Variants in GIGYF2 observed in about 807,000 individuals in gnomAD.
GIGYF2 encodes the protein GRB10-interacting GYF protein 2.
GIGYF2 carries 25 observed loss-of-function variants against 208.1 expected under a neutral mutation model. That is an observed-to-expected ratio of 0.12 (90% CI 0.09 to 0.17). GIGYF2 has a LOEUF of 0.17. Ranked by LOEUF, GIGYF2 falls within the 10% of genes least tolerant of loss-of-function variation. GIGYF2 has a pLI of 1.00. For synonymous variants in GIGYF2, 534 were observed against 543.8 expected (o/e 0.98, Z 0.25); for missense variants, 1,302 against 1,579.4 (o/e 0.82, Z 2.98).
intron 21 of GIGYF2, among the ~76,000 whole-genome samples, chr2:232,832,575 T>C (rs1574935311): frequency 6.6e-6 from 1 of 152,208 alleles, no homozygotes; most frequent in Non-Finnish European, 1.5e-5. Context: ...GAGACTTTCC[T>C]GTAGTTGATG....
At chr2:232,753,363 A>T (rs576456392) in intron 5 of GIGYF2, among the ~76,000 whole-genome samples, 6 of 152,198 alleles carry the variant, frequency 3.9e-5, no homozygotes, top group African/African-American at 1.4e-4. Context: ...ACCTCAAGTG[A>T]TCCGCCTGCC....
At chr2:232,786,234 C>G (rs1456430997) in intron 8 of GIGYF2, among the ~76,000 whole-genome samples, 1 of 151,980 alleles carries the variant, frequency 6.6e-6, no homozygotes, top group East Asian at 1.9e-4. Context: ...TGAGGTTATA[C>G]TACTTTTCAA....
intron 9 of GIGYF2, among the ~76,000 whole-genome samples, chr2:232,789,942 A>G (rs923328615): frequency 3.3e-5 from 5 of 152,142 alleles, no homozygotes; most frequent in African/African-American, 1.2e-4. Flanking sequence ...TTATATGGAT[A>G]GGGAGAATTA....
At chr2:232,823,542 A>G (rs556375465) in intron 21 of GIGYF2, among the ~76,000 whole-genome samples, 1 of 151,812 alleles carries the variant, frequency 6.6e-6, no homozygotes, top group East Asian at 1.9e-4. Context: ...TTGTAGAGAT[A>G]TGGGGTCTTG....
intron 5 of GIGYF2, among the ~76,000 whole-genome samples, chr2:232,753,290 A>C (rs1698404166): frequency 6.6e-6 from 1 of 151,612 alleles, no homozygotes; most frequent in Non-Finnish European, 1.5e-5. Flanking sequence ...CGCCTGGCTA[A>C]TTTTTGTATT....
chr2:232,793,692 T>C (rs1156638881), intron 12 of GIGYF2, among the ~76,000 whole-genome samples: 2 of 152,026 alleles, frequency 1.3e-5, no homozygotes, highest in African/African-American at 4.8e-5. Context: ...ATATACTTAG[T>C]AGGGGTAAGA....
At chr2:232,747,885 G>A in intron 4 of GIGYF2, 141 bp downstream of exon 4, 1 of 779,798 alleles carries the variant, frequency 1.3e-6, no homozygotes. Flanking sequence ...CTGCTTTGAA[G>A]CCTGCAATAG....
chr2:232,767,171 A>C (rs1178147194), intron 8 of GIGYF2: 1 of 152,222 alleles, frequency 6.6e-6, no homozygotes, highest in African/African-American at 2.4e-5. Flanking sequence ...GTTTATAGAA[A>C]AAACTATTTG....
chr2:232,829,521 A>C (rs1274390685), intron 21 of GIGYF2, among the ~76,000 whole-genome samples: 1 of 152,140 alleles, frequency 6.6e-6, no homozygotes, highest in Non-Finnish European at 1.5e-5. Context: ...TCAACATTGC[A>C]CTCCACTCAT....
chr2:232,792,785 C>T (rs745443686), intron 12 of GIGYF2, among the ~76,000 whole-genome samples: 5 of 152,268 alleles, frequency 3.3e-5, no homozygotes, highest in Admixed American at 1.3e-4. Flanking sequence ...CCCAGAACTA[C>T]TTGTGGTACA....
intron 21 of GIGYF2, among the ~76,000 whole-genome samples, chr2:232,821,007 AT>A (rs1574922813): frequency 6.6e-6 from 1 of 151,510 alleles, no homozygotes; most frequent in East Asian, 2.0e-4. Context: ...ATTTTTTTGT[AT>A]TTTTAATAGA....
chr2:232,749,136 A>C, intron 5 of GIGYF2, 54 bp downstream of exon 5: 2 of 877,636 alleles, frequency 2.3e-6, no homozygotes, highest in South Asian at 2.6e-5. Flanking sequence ...CTGCTAAGGC[A>C]TGAAAATAGG....
Position 232,770,780 on chromosome 2 carries a change from C to A in GIGYF2, c.532+9344C>A, listed in dbSNP as rs570372184. The A allele has an allele frequency of 5.4e-5, 38 of 706,648 alleles. 1 individual carries two copies. The highest frequency in any genetic ancestry group is 7.6e-5 in the Admixed American group (3 of 39,488). 43.8% of individuals were successfully genotyped at this position (706,648 alleles called of 1,614,324 possible). A position where few individuals can be genotyped will look rare whatever the true frequency, so the allele number is the denominator to read the frequency against. The stretch of plus-strand genomic sequence containing the variant: ...TTCTATCTTAGACATTACCTGCTAT[C>A]AATATAGATAAATTATTCTGTAACA... On this transcript the variant is annotated intron_variant, in intron 8 of 28. Coordinates refer to ENST00000373563, the MANE Select transcript of GIGYF2 (RefSeq NM_001103146.3).
At chr2:232,801,277 T>G (rs1574901021) in intron 14 of GIGYF2, among the ~76,000 whole-genome samples, 1 of 151,942 alleles carries the variant, frequency 6.6e-6, no homozygotes, top group African/African-American at 2.4e-5. Context: ...GCCTGTAATC[T>G]CAGCACTTTG....
At chr2:232,718,035 T>C (rs976770667) in intron 2 of GIGYF2, among the ~76,000 whole-genome samples, 1 of 152,194 alleles carries the variant, frequency 6.6e-6, no homozygotes, top group Non-Finnish European at 1.5e-5. Context: ...TTTCTAAACA[T>C]GATATCTGGG....
chr2:232,830,632 T>C (rs1028363922), intron 21 of GIGYF2, among the ~76,000 whole-genome samples: 4 of 152,160 alleles, frequency 2.6e-5, no homozygotes, highest in African/African-American at 9.7e-5. Context: ...CCATTGTTTA[T>C]TGAGATTTTT....
chr2:232,839,408 G>A (rs1203561974), intron 22 of GIGYF2, among the ~76,000 whole-genome samples: 3 of 152,316 alleles, frequency 2.0e-5, no homozygotes, highest in East Asian at 3.9e-4. Flanking sequence ...GAAATCTCAT[G>A]GTGCTACCCT....
At chr2:232,789,271 A>G (rs966286449) in intron 9 of GIGYF2, among the ~76,000 whole-genome samples, 1 of 152,110 alleles carries the variant, frequency 6.6e-6, no homozygotes, top group African/African-American at 2.4e-5. Flanking sequence ...GGGGGTGGGA[A>G]CATTAAGGAC....
intron 21 of GIGYF2, among the ~76,000 whole-genome samples, chr2:232,829,507 G>T (rs1009250230): frequency 6.6e-6 from 1 of 152,188 alleles, no homozygotes; most frequent in Non-Finnish European, 1.5e-5. Context: ...GGTCAATTCA[G>T]TCTTCAACAT....
Sources: allele counts gnomAD v4.1 joint callset (sites outside exome capture counted in the v4.1 genomes callset), GRCh38; gene constraint gnomAD v4.1.1; transcripts MANE v1.5; gene names NCBI Gene and HGNC (gene_info 2026-07-23, HGNC 2026-07-21).